Variants in SLC24A3 observed in about 807,000 individuals in gnomAD.
The protein encoded by SLC24A3 is solute carrier family 24 member 3.
SLC24A3 carries 28 observed loss-of-function variants against 75.8 expected under a neutral mutation model. That is an observed-to-expected ratio of 0.37 (90% confidence interval 0.27 to 0.51). The LOEUF (loss-of-function observed/expected upper bound fraction) is 0.51, where lower values mean the gene tolerates loss of function less well. Among genes scored for constraint, SLC24A3 ranks in the 20% least tolerant of loss-of-function variants. SLC24A3 has a pLI of 0.94. For synonymous variants in SLC24A3, 372 were observed against 334.1 expected (o/e 1.11, Z -1.24); for missense variants, 663 against 847.8 (o/e 0.78, Z 2.71).
chr20:19,482,710 T>G (rs1157232011), intron 2 of SLC24A3, among the ~76,000 whole-genome samples: 2 of 152,218 alleles, frequency 1.3e-5, no homozygotes, highest in Non-Finnish European at 2.9e-5. Flanking sequence ...TTCTTTCTTC[T>G]GTGAGGACAG....
rs745498248 is a variant in SLC24A3 at position 19,280,993 on chromosome 20, A to C, written c.177A>C (p.Arg59Ser). The C allele has an allele frequency of 6.2e-7, 1 of 1,614,038 alleles. No homozygotes were observed. ...LDLMDLVGED[R>S]KWMMARKLMQ... ...TCATGGACCTCGTAGGGGAAGACAG[A>C]AAGTGGATGATGGCGAGGAAGCTGA... Residue 59 changes from arginine to serine, a missense_variant, in exon 2 of 17, where the codon AGA becomes AGC. Coordinates refer to ENST00000328041, the MANE Select transcript of SLC24A3 (RefSeq NM_020689.4).
intron 1 of SLC24A3, among the ~76,000 whole-genome samples, chr20:19,263,033 T>TTGTGTGTGTGTGTGTG (rs11473481): frequency 5.6e-5 from 8 of 143,140 alleles, no homozygotes; most frequent in South Asian, 2.4e-4. Context: ...ACTCCAGCCT[T>TTGTGTGTGTGTGTGTG]TGTGTGTGTG....
chr20:19,671,817 G>A (rs560207770), intron 8 of SLC24A3, among the ~76,000 whole-genome samples: 1 of 152,034 alleles, frequency 6.6e-6, no homozygotes, highest in South Asian at 2.1e-4. Flanking sequence ...CATGTATTTG[G>A]TATTTATAGC....
intron 2 of SLC24A3, among the ~76,000 whole-genome samples, chr20:19,288,446 GC>G (rs1177667092): frequency 2.0e-5 from 3 of 152,202 alleles, no homozygotes; most frequent in Non-Finnish European, 4.4e-5. Flanking sequence ...AGCCCAGGCA[GC>G]CTAATTTGGT....
chr20:19,489,252 A>G (rs1988172347), intron 2 of SLC24A3, among the ~76,000 whole-genome samples: 1 of 152,176 alleles, frequency 6.6e-6, no homozygotes, highest in African/African-American at 2.4e-5. Flanking sequence ...CCTTGTAGGT[A>G]TGATTGACTC....
intron 6 of SLC24A3, among the ~76,000 whole-genome samples, chr20:19,628,346 C>T (rs1254135621): frequency 6.6e-6 from 1 of 152,030 alleles, no homozygotes; most frequent in Non-Finnish European, 1.5e-5. Context: ...CCAGGTCCTT[C>T]CCCCATGGAG....
chr20:19,696,095 G>A (rs532499532), intron 13 of SLC24A3, among the ~76,000 whole-genome samples: 11 of 130,656 alleles, frequency 8.4e-5, no homozygotes, highest in Non-Finnish European at 1.5e-4. Context: ...ACAGCTCATC[G>A]CAGCCTGAAC....
chr20:19,227,055 A>C (rs775691705), intron 1 of SLC24A3, among the ~76,000 whole-genome samples: 27 of 152,214 alleles, frequency 1.8e-4, no homozygotes, highest in Non-Finnish European at 2.8e-4. Context: ...ACTATCATGT[A>C]ACTTTCCAGG....
At chr20:19,630,760 C>T (rs537855876) in intron 6 of SLC24A3, among the ~76,000 whole-genome samples, 4 of 152,112 alleles carry the variant, frequency 2.6e-5, no homozygotes, top group Non-Finnish European at 5.9e-5. Context: ...AGTGTCTATA[C>T]TGGAAAAGAC....
intron 13 of SLC24A3, 78 bp from the exon 14 acceptor site, chr20:19,696,719 G>A (rs922126332): frequency 2.1e-6 from 2 of 937,026 alleles, no homozygotes; most frequent in Non-Finnish European, 3.5e-6. Flanking sequence ...AGCCTGTTGT[G>A]AGTCTCCATC....
At chr20:19,337,183 G>A (rs948780082) in intron 2 of SLC24A3, among the ~76,000 whole-genome samples, 3 of 152,290 alleles carry the variant, frequency 2.0e-5, no homozygotes, top group East Asian at 1.9e-4. Flanking sequence ...AGTGGCTCAC[G>A]CCTGTAATCC....
chr20:19,383,981 A>G (rs1488138992), intron 2 of SLC24A3, among the ~76,000 whole-genome samples: 1 of 152,060 alleles, frequency 6.6e-6, no homozygotes, highest in Non-Finnish European at 1.5e-5. Context: ...AGCAGCTTTT[A>G]TTTTTATCTT....
chr20:19,579,960 C>A, intron 3 of SLC24A3, 40 bp from the exon 4 acceptor site: 1 of 1,500,680 alleles, frequency 6.7e-7, no homozygotes, highest in South Asian at 1.1e-5. Flanking sequence ...CTGGCTCTGC[C>A]TCACTCTAAC....
chr20:19,660,205 A>G (rs1266387179), intron 7 of SLC24A3, among the ~76,000 whole-genome samples: 3 of 151,970 alleles, frequency 2.0e-5, no homozygotes, highest in Non-Finnish European at 4.4e-5. Flanking sequence ...TATAGTGGTG[A>G]AGTCTGAAAT....
intron 3 of SLC24A3, among the ~76,000 whole-genome samples, chr20:19,562,032 C>A (rs2030881669): frequency 2.0e-5 from 3 of 152,128 alleles, no homozygotes; most frequent in Non-Finnish European, 4.4e-5. Context: ...CTTTTTATAA[C>A]CTCAAGGAAA....
At position 19,449,298 on chromosome 20, in the gene SLC24A3, G is replaced by A. The variant is rs1274568572; in HGVS notation, c.272-66190G>A. Among the ~76,000 whole-genome samples, 4 of 152,340 alleles carry A rather than the reference G, an allele frequency of 2.6e-5. No homozygotes were observed. The East Asian group carries it at 5.8e-4, about 22-fold the overall frequency. ...GGCTTTGGAGAGAGCTCCGAGGCAGGAAAGCTGAGAGCTGCTGCTGGCACT... is the reference window on the plus strand; with the variant it reads ...GGCTTTGGAGAGAGCTCCGAGGCAGAAAAGCTGAGAGCTGCTGCTGGCACT... On this transcript the variant is annotated intron_variant, in intron 2 of 16. Coordinates refer to ENST00000328041, the MANE Select transcript of SLC24A3 (RefSeq NM_020689.4).
At chr20:19,367,708 C>T (rs1179957225) in intron 2 of SLC24A3, among the ~76,000 whole-genome samples, 1 of 152,180 alleles carries the variant, frequency 6.6e-6, no homozygotes, top group Non-Finnish European at 1.5e-5. Flanking sequence ...TTAATTTCTT[C>T]CTTGTTGGCC....
chr20:19,268,868 C>T (rs924914217), intron 1 of SLC24A3, among the ~76,000 whole-genome samples: 1 of 152,186 alleles, frequency 6.6e-6, no homozygotes, highest in South Asian at 2.1e-4. Flanking sequence ...TTTCTTCTTC[C>T]CAGGCAAAGA....
intron 6 of SLC24A3, among the ~76,000 whole-genome samples, chr20:19,612,607 A>AGTGTGTGTGTGTGT (rs71198018): frequency 0.047 from 6,870 of 146,822 alleles, 203 homozygotes; most frequent in South Asian, 0.059. Flanking sequence ...CCTTAAGAAA[A>AGTGTGTGTGTGTGT]GTGTGTGTGT....
Sources: gnomAD v4.1 joint callset for allele counts (sites outside exome capture counted in the v4.1 genomes callset) on GRCh38, gnomAD v4.1.1 for gene constraint, MANE v1.5 for transcripts, NCBI Gene and HGNC (gene_info 2026-07-23, HGNC 2026-07-21) for gene names.